Variants in APLP2 observed in about 807,000 individuals in gnomAD.
APLP2 encodes the protein amyloid beta precursor like protein 2.
Under a neutral mutation model 89.9 loss-of-function variants are expected in APLP2, and 53 were observed. That is an observed-to-expected ratio of 0.59 (90% CI 0.47 to 0.74). The LOEUF is 0.74. APLP2 is among the 30% of genes least tolerant of loss of function. The pLI, the probability that APLP2 is intolerant of heterozygous loss-of-function variation, is 0.00. For missense variants in APLP2, 973 were observed against 975.9 expected, an observed-to-expected ratio of 1.00 and a Z score of 0.04; for synonymous variants, 372 against 348.6, an observed-to-expected ratio of 1.07 and a Z score of -0.75.
At chr11:130,116,159 A>G (rs1024048276) in intron 3 of APLP2, among the ~76,000 whole-genome samples, 17 of 152,290 alleles carry the variant, frequency 1.1e-4, no homozygotes, top group Admixed American at 5.9e-4. Context: ...TTTGAATAAA[A>G]GATAAGGTTG....
intron 1 of APLP2, among the ~76,000 whole-genome samples, chr11:130,084,502 T>C (rs2135451102): frequency 6.6e-6 from 1 of 152,318 alleles, no homozygotes; most frequent in Admixed American, 6.5e-5. Context: ...TTTTTTGTAG[T>C]GTCTTAATCC....
chr11:130,143,388 G>T lies in APLP2; in HGVS notation c.2196G>T (p.Lys732Asn). 6.2e-7 allele frequency: 1 copy of T among 1,613,900 alleles called. No homozygotes were observed. The highest frequency in any genetic ancestry group is 1.1e-5 in the South Asian group (1 of 91,070). The change falls in exon 17 of 17, where the codon AAG (lysine) becomes AAT (asparagine). Residue 732 changes from lysine to asparagine, a missense_variant. Coordinates refer to ENST00000338167, the MANE Select transcript of APLP2 (RefSeq NM_001142276.2). ...MLTPEERHLNKMQNHGYENPT... is the reference protein window; with the variant it reads ...MLTPEERHLNNMQNHGYENPT... ...CCCCAGAAGAGCGTCACCTGAACAA[G>T]ATGCAGAACCATGGCTATGAGAACC...
chr11:130,125,333 C>T lies in APLP2; in HGVS notation c.1091-1367C>T, dbSNP rs530409056. Among the ~76,000 whole-genome samples the T allele has an allele frequency of 2.0e-5, 3 of 152,320 alleles. 1 individual carries two copies. Among genetic ancestry groups the T allele is most frequent in the Admixed American group, 6.5e-5 (1 of 15,306 alleles). ...GTCCAGCAATGTGAACCAAAGGCTC[C>T]GTCTCCAGCGCTCAGGCCTTTATAG... On this transcript the variant is annotated intron_variant, in intron 7 of 16. Transcript: ENST00000338167.
chr11:130,085,118 G>A (rs929473317), intron 1 of APLP2, among the ~76,000 whole-genome samples: 7 of 152,108 alleles, frequency 4.6e-5, no homozygotes, highest in Non-Finnish European at 8.8e-5. Context: ...AACTTGAGCA[G>A]ATCAGTAACA....
intron 11 of APLP2, among the ~76,000 whole-genome samples, chr11:130,130,929 A>G (rs1289715901): frequency 1.3e-5 from 2 of 152,210 alleles, no homozygotes; most frequent in African/African-American, 4.8e-5. Flanking sequence ...AAAGGCCTAA[A>G]GGCCTTTGGA....
chr11:130,102,535 G>A (rs1947084679), intron 1 of APLP2, among the ~76,000 whole-genome samples: 1 of 152,202 alleles, frequency 6.6e-6, no homozygotes, highest in Non-Finnish European at 1.5e-5. Context: ...CAGAAGCCCT[G>A]CAGCCAGATT....
intron 1 of APLP2, among the ~76,000 whole-genome samples, chr11:130,094,502 A>G (rs751990730): frequency 2.6e-5 from 4 of 152,178 alleles, no homozygotes; most frequent in Non-Finnish European, 5.9e-5. Flanking sequence ...ATTTACTTCT[A>G]TATGTAAAAA....
chr11:130,095,105 T>TATA (rs764667242), intron 1 of APLP2, among the ~76,000 whole-genome samples: 1 of 46,270 alleles, frequency 2.2e-5, no homozygotes, highest in Admixed American at 2.2e-4. Flanking sequence ...GCTTTTATGT[T>TATA]ATAATGAGAT....
chr11:130,100,008 A>G (rs1260038580), intron 1 of APLP2, among the ~76,000 whole-genome samples: 2 of 152,262 alleles, frequency 1.3e-5, no homozygotes, highest in East Asian at 3.8e-4. Context: ...AAACCTGGTA[A>G]TAATGAAAGC....
intron 1 of APLP2, chr11:130,070,676 C>T: frequency 2.0e-6 from 3 of 1,478,338 alleles, no homozygotes; most frequent in Non-Finnish European, 1.8e-6. Context: ...CCGCCTGGGG[C>T]CGGGTCGCGG....
At chr11:130,140,871 C>A in intron 14 of APLP2, 1 of 153,466 alleles carries the variant, frequency 6.5e-6, no homozygotes, top group Non-Finnish European at 1.4e-5. Flanking sequence ...ATTTATAGTT[C>A]TGGATTATCT....
rs1199009976 is a variant in APLP2 at position 130,143,515 on chromosome 11, C to A, written c.*67C>A. ...GGCCGGAAGATCCCACGATTCCGAT[C>A]GACTGCCAAGCAGCAGCCGCTGCCA... On this transcript the variant is annotated 3_prime_UTR_variant, in exon 17 of 17. Coordinates refer to ENST00000338167, the MANE Select transcript of APLP2 (RefSeq NM_001142276.2). 2.2e-6 allele frequency: 3 copies of A among 1,383,764 alleles called. No individual in the cohort carries two copies. In the East Asian group the frequency reaches 6.9e-5, roughly 32 times the overall value. 85.7% of individuals were successfully genotyped at this position (1,383,764 alleles called of 1,614,324 possible). A position where few individuals can be genotyped will look rare whatever the true frequency, so the allele number is the denominator to read the frequency against.
chr11:130,126,910 C>G (rs1950430058), intron 8 of APLP2, 80 bp downstream of exon 8: 1 of 1,577,812 alleles, frequency 6.3e-7, no homozygotes, highest in African/African-American at 1.3e-5. Flanking sequence ...AAAGTAATAG[C>G]TTCTCCCTAG....
chr11:130,118,096 G>T (rs1949413273), intron 3 of APLP2, among the ~76,000 whole-genome samples: 1 of 146,604 alleles, frequency 6.8e-6, no homozygotes, highest in Non-Finnish European at 1.5e-5. Context: ...AAAAAAAATA[G>T]TTGTTGTGTT....
intron 1 of APLP2, among the ~76,000 whole-genome samples, chr11:130,071,486 CAGCT>C (rs57762436): frequency 0.19 from 29,522 of 151,998 alleles, 5,657 homozygotes; most frequent in African/African-American, 0.49. Context: ...CGCATGAAAA[CAGCT>C]AGGTGAGTGA....
At chr11:130,094,925 C>G (rs1945989989) in intron 1 of APLP2, among the ~76,000 whole-genome samples, 2 of 152,164 alleles carry the variant, frequency 1.3e-5, no homozygotes, top group South Asian at 4.1e-4. Context: ...ACCAGTGGGT[C>G]AGCTAGTGTG....
chr11:130,072,101 T>C lies in APLP2; in HGVS notation c.105+2019T>C, dbSNP rs1032369573. On this transcript the variant is annotated intron_variant, in intron 1 of 16. Transcript: ENST00000338167. ...TTAGTGTTGCTTGGTGTTGACTGAA[T>C]TAATCTCTTACACCTGTTTAAAAAG... Among the ~76,000 whole-genome samples, 6 of 152,176 alleles carry C rather than the reference T, an allele frequency of 3.9e-5. No homozygotes were observed. The South Asian group carries it at 1.2e-3, about 31-fold the overall frequency.
chr11:130,124,756 C>G (rs557762173), intron 7 of APLP2, among the ~76,000 whole-genome samples: 1 of 152,314 alleles, frequency 6.6e-6, no homozygotes, highest in African/African-American at 2.4e-5. Flanking sequence ...TTGAGTGCTT[C>G]CCTTCCAGCT....
chr11:130,127,410 C>T (rs896440468), intron 8 of APLP2, among the ~76,000 whole-genome samples: 3 of 152,212 alleles, frequency 2.0e-5, no homozygotes, highest in African/African-American at 7.2e-5. Context: ...CCAAATCCCA[C>T]ACAGTCCCAT....
Sources: allele counts gnomAD v4.1 joint callset (sites outside exome capture counted in the v4.1 genomes callset), GRCh38; gene constraint gnomAD v4.1.1; transcripts MANE v1.5; gene names NCBI Gene and HGNC (gene_info 2026-07-23, HGNC 2026-07-21).